Variants in SPIDR observed in about 807,000 individuals in gnomAD.
SPIDR encodes DNA repair-scaffolding protein.
Under a neutral mutation model 104.6 loss-of-function variants are expected in SPIDR, and 93 were observed. The ratio of observed to expected loss-of-function variants is 0.89; its 90% CI spans 0.75 to 1.06. The LOEUF (loss-of-function observed/expected upper bound fraction) is 1.06. Ranked by LOEUF, SPIDR falls within the 50% of genes least tolerant of loss-of-function variation. The probability of loss-of-function intolerance (pLI) is 0.00; values close to 1 mark genes in which losing one functional copy is unlikely to be tolerated. For missense variants in SPIDR, 1,154 were observed against 1,111.2 expected, an observed-to-expected ratio of 1.04 and a Z score of -0.55; for synonymous variants, 431 against 416.9, an observed-to-expected ratio of 1.03 and a Z score of -0.41.
chr8:47,292,088 A>G lies in SPIDR; in HGVS notation c.361+951A>G, dbSNP rs370458268. Among the ~76,000 whole-genome samples the G allele has an allele frequency of 1.8e-4, 28 of 152,318 alleles. No homozygotes were observed. The East Asian group carries it at 3.5e-3, about 19-fold the overall frequency. ...GTCAAGGGTCCCATGAAGGACAAAA[A>G]TCACCCCTAGTTGATAACCACAGAT... On this transcript the variant is annotated intron_variant, in intron 4 of 19. Coordinates refer to ENST00000297423, the MANE Select transcript of SPIDR (RefSeq NM_001080394.4).
chr8:47,501,145 G>T (rs1359056140), intron 8 of SPIDR, among the ~76,000 whole-genome samples: 22 of 152,186 alleles, frequency 1.4e-4, no homozygotes, highest in East Asian at 3.9e-4. Context: ...TGGTTCCATA[G>T]GAACTTTAAA....
chr8:47,673,100 AAT>A (rs2076000595), intron 10 of SPIDR, among the ~76,000 whole-genome samples: 1 of 152,216 alleles, frequency 6.6e-6, no homozygotes, highest in African/African-American at 2.4e-5. Flanking sequence ...GTTTTCTGAG[AAT>A]ATGTCATTTT....
rs560477740 is a variant in SPIDR at position 47,490,573 on chromosome 8, G to A, written c.1097+50031G>A. 5.9e-5 allele frequency among the ~76,000 whole-genome samples: 9 copies of A among 152,148 alleles called. 1 individual carries two copies. The highest frequency in any genetic ancestry group is 4.1e-4 in the South Asian group (2 of 4,832). On this transcript the variant is annotated intron_variant, in intron 8 of 19. Transcript: ENST00000297423. ...TACGTTTATTGTGGCACTATTCACA[G>A]TAGCAAAGACTTGGAACCAACCCAA...
At chr8:47,448,725 G>A (rs1394936206) in intron 8 of SPIDR, among the ~76,000 whole-genome samples, 1 of 151,886 alleles carries the variant, frequency 6.6e-6, no homozygotes, top group African/African-American at 2.4e-5. Flanking sequence ...AGGGTGTCAG[G>A]GGTAGCTTCC....
rs933727506 is a variant in SPIDR, at chr8:47,728,238, C to T, written c.2436-695C>T. Among the ~76,000 whole-genome samples, 6 of 151,976 alleles carry T rather than the reference C, an allele frequency of 3.9e-5. No homozygotes were observed. The South Asian group carries it at 1.0e-3, about 26-fold the overall frequency. ...GTCAGGAGTTGAAGACCAGCCTGGC[C>T]AACACGGTGAAACCCCATCTCTATT... On this transcript the variant is annotated intron_variant, in intron 17 of 19. Coordinates refer to ENST00000297423, the MANE Select transcript of SPIDR (RefSeq NM_001080394.4).
chr8:47,318,092 G>A (rs931945253), intron 5 of SPIDR, among the ~76,000 whole-genome samples: 1 of 152,290 alleles, frequency 6.6e-6, no homozygotes, highest in African/African-American at 2.4e-5. Flanking sequence ...AAGCTGGACG[G>A]AGAGTGACTT....
At position 47,357,839 on chromosome 8, in the gene SPIDR, G is replaced by A. The variant is rs2054866648; in HGVS notation, c.526-38537G>A. On this transcript the variant is annotated intron_variant, in intron 5 of 19. Transcript: ENST00000297423. ...AGAAAGGAAAGGAGATCTCATACATGTTAATCGTCTAGTGTTTAAGGCCAC... is the reference window on the plus strand; with the variant it reads ...AGAAAGGAAAGGAGATCTCATACATATTAATCGTCTAGTGTTTAAGGCCAC... 3 of 984,688 alleles carry A rather than the reference G, an allele frequency of 3.0e-6. No homozygotes were observed. In the Admixed American group the frequency reaches 1.8e-4, roughly 61 times the overall value. The allele number at this position is 984,688 out of a possible 1,614,324, so 61.0% of individuals were successfully genotyped here. A position where few individuals can be genotyped will look rare whatever the true frequency, so the allele number is the denominator to read the frequency against.
intron 10 of SPIDR, among the ~76,000 whole-genome samples, chr8:47,632,994 T>G (rs1218889925): frequency 6.6e-6 from 1 of 152,230 alleles, no homozygotes; most frequent in Admixed American, 6.5e-5. Flanking sequence ...GCAATTTGCC[T>G]CTATAAATGT....
At chr8:47,552,632 T>G (rs1030850385) in intron 8 of SPIDR, among the ~76,000 whole-genome samples, 3 of 152,176 alleles carry the variant, frequency 2.0e-5, no homozygotes, top group African/African-American at 7.2e-5. Context: ...CCTCCATCCC[T>G]TTGTTTTGAG....
intron 16 of SPIDR, among the ~76,000 whole-genome samples, chr8:47,716,511 AT>A (rs1415059559): frequency 6.6e-6 from 1 of 152,086 alleles, no homozygotes; most frequent in Non-Finnish European, 1.5e-5. Flanking sequence ...TGGGGCCTCC[AT>A]TTTCTCATCT....
intron 6 of SPIDR, among the ~76,000 whole-genome samples, chr8:47,406,750 C>T (rs941495780): frequency 2.6e-5 from 4 of 152,174 alleles, no homozygotes; most frequent in African/African-American, 7.2e-5. Context: ...CTAAATGCCA[C>T]GTGCTGCACT....
chr8:47,713,288 T>C (rs1342715937), intron 15 of SPIDR: 28 of 707,876 alleles, frequency 4.0e-5, no homozygotes, highest in African/African-American at 1.8e-5. Flanking sequence ...GTGGATTGAC[T>C]TGAATCTCAC....
At chr8:47,665,753 T>G (rs1291250265) in intron 10 of SPIDR, among the ~76,000 whole-genome samples, 1 of 152,220 alleles carries the variant, frequency 6.6e-6, no homozygotes, top group Non-Finnish European at 1.5e-5. Flanking sequence ...TTCCCTGGCA[T>G]TCTTGGGTGT....
chr8:47,360,220 C>T (rs1225301543), intron 5 of SPIDR, among the ~76,000 whole-genome samples: 1 of 88,606 alleles, frequency 1.1e-5, no homozygotes, highest in African/African-American at 4.4e-5. Context: ...CCAGCCTGGG[C>T]AACAACAGAA....
chr8:47,299,329 G>A (rs1452008196), intron 5 of SPIDR, among the ~76,000 whole-genome samples: 5 of 151,972 alleles, frequency 3.3e-5, no homozygotes, highest in Non-Finnish European at 7.4e-5. Context: ...GAAGTTGCCT[G>A]TCAGCTTAAG....
chr8:47,425,054 CTTAT>C (rs1357986267), intron 7 of SPIDR, among the ~76,000 whole-genome samples: 2 of 152,156 alleles, frequency 1.3e-5, no homozygotes, highest in African/African-American at 4.8e-5. Context: ...AAAAATGATT[CTTAT>C]TTAAATTGTA....
intron 8 of SPIDR, among the ~76,000 whole-genome samples, chr8:47,452,287 A>G (rs1427880453): frequency 6.6e-6 from 1 of 152,178 alleles, no homozygotes; most frequent in South Asian, 2.1e-4. Flanking sequence ...AAGCAAAAAA[A>G]AGAAACTATG....
At chr8:47,491,119 A>T (rs2078635973) in intron 8 of SPIDR, among the ~76,000 whole-genome samples, 1 of 152,216 alleles carries the variant, frequency 6.6e-6, no homozygotes, top group African/African-American at 2.4e-5. Context: ...AAAAAGACGT[A>T]TTCAGAAATA....
chr8:47,373,579 AAGTC>A (rs1229548580), intron 5 of SPIDR, among the ~76,000 whole-genome samples: 2 of 152,064 alleles, frequency 1.3e-5, no homozygotes, highest in Non-Finnish European at 2.9e-5. Context: ...GTAGGTATAA[AAGTC>A]AGTGCTTTTC....
Sources: gnomAD v4.1 joint callset for allele counts (sites outside exome capture counted in the v4.1 genomes callset) on GRCh38, gnomAD v4.1.1 for gene constraint, MANE v1.5 for transcripts, NCBI Gene and HGNC (gene_info 2026-07-23, HGNC 2026-07-21) for gene names.